Variants in HBS1L observed in about 807,000 individuals in gnomAD.
HBS1L encodes HBS1 like translational GTPase, also known as HBS1-like protein.
A neutral mutation model predicts 88.9 loss-of-function variants in HBS1L; 55 were observed. The ratio of observed to expected loss-of-function variants is 0.62; its 90% confidence interval spans 0.50 to 0.77. The LOEUF (loss-of-function observed/expected upper bound fraction) is 0.77, where lower values mean the gene tolerates loss of function less well. Ranked by LOEUF, HBS1L falls within the 30% of genes least tolerant of loss-of-function variation. The probability of loss-of-function intolerance (pLI) is 0.00; values close to 1 mark genes in which losing one functional copy is unlikely to be tolerated. For synonymous variants in HBS1L, 267 were observed against 288.5 expected, an observed-to-expected ratio of 0.93 and a Z score of 0.76; for missense variants, 741 against 829.3, an observed-to-expected ratio of 0.89 and a Z score of 1.31.
chr6:135,021,449 T>A (rs1776067811), intron 4 of HBS1L, among the ~76,000 whole-genome samples: 1 of 152,126 alleles, frequency 6.6e-6, no homozygotes, highest in African/African-American at 2.4e-5. Flanking sequence ...CACAAAGTCA[T>A]CTGAAATTTA....
chr6:135,000,767 G>C (rs1775430576), intron 5 of HBS1L, among the ~76,000 whole-genome samples: 3 of 151,800 alleles, frequency 2.0e-5, no homozygotes, highest in Non-Finnish European at 4.4e-5. Context: ...GCCTTCCAAT[G>C]TGTTGGTATC....
chr6:135,054,064 T>C (rs1163834692), intron 1 of HBS1L, among the ~76,000 whole-genome samples: 1 of 152,254 alleles, frequency 6.6e-6, no homozygotes, highest in African/African-American at 2.4e-5. Context: ...GACTCATTCT[T>C]TGGGCCTTTT....
intron 7 of HBS1L, 140 bp from the exon 8 acceptor site, chr6:134,994,015 A>G: frequency 2.4e-6 from 1 of 419,570 alleles, no homozygotes; most frequent in Non-Finnish European, 4.2e-6. Context: ...GAATAATTAA[A>G]TTATCAATCG....
intron 5 of HBS1L, 39 bp from the exon 6 acceptor site, chr6:134,997,695 C>T (rs1031475958): frequency 1.9e-6 from 3 of 1,581,776 alleles, no homozygotes; most frequent in Admixed American, 1.7e-5. Context: ...TTGAAACCAA[C>T]TCTATTGATG....
In HBS1L at chr6:134,997,418, G is replaced by A; in HGVS notation, c.778C>T (p.Leu260=). Residue 260 remains leucine (L), a synonymous_variant, in exon 6 of 18, where the codon CTA becomes TTA. Transcript: ENST00000367837. ...TTACCAATGACCACTAAGTTGAGTA[G>A]CTGCTTCCCTCCTTGCCGCTTCTCC... ...ELEKRQGGKQ[L]LNLVVIGHVD... The A allele has an allele frequency of 6.2e-7, 1 of 1,614,030 alleles. No individual in the cohort carries two copies. The highest frequency in any genetic ancestry group is 8.5e-7 in the Non-Finnish European group (1 of 1,179,956).
intron 4 of HBS1L, among the ~76,000 whole-genome samples, chr6:135,020,978 A>G (rs572899988): frequency 1.4e-4 from 21 of 151,916 alleles, no homozygotes; most frequent in Non-Finnish European, 4.4e-5. Flanking sequence ...GGACTAATAT[A>G]CTCTAATATG....
intron 2 of HBS1L, among the ~76,000 whole-genome samples, chr6:135,044,060 T>C (rs1304119293): frequency 1.3e-5 from 2 of 152,214 alleles, no homozygotes; most frequent in Non-Finnish European, 1.5e-5. Flanking sequence ...GTGCCCTGTT[T>C]GGAGAGCCCT....
rs1041938111 is a variant in HBS1L, at chr6:134,963,252, G to A, written c.*2027C>T. 1 of 152,100 alleles carries A rather than the reference G, an allele frequency of 6.6e-6. No individual in the cohort carries two copies. The highest frequency in any genetic ancestry group is 1.5e-5 in the Non-Finnish European group (1 of 68,010). The allele number at this position is 152,100 out of a possible 1,614,324, so 9.4% of individuals were successfully genotyped here. On this transcript the variant is annotated 3_prime_UTR_variant, in exon 18 of 18. Transcript: ENST00000367837. ...TCACACTCAAACACAGGATATCCTA[G>A]GGAAGTATTAATAAATAAAATTCAA... is the stretch of plus-strand genomic sequence containing the variant.
rs561083746 is a variant in HBS1L, at chr6:135,007,649, C to G, written c.431-4807G>C. On this transcript the variant is annotated intron_variant, in intron 4 of 17. Transcript: ENST00000367837. ...CACCATTCTGGAAGGCAGGCAAACTCTACTGACATAAGTCAGAAAGGAACT... is the reference window on the plus strand; with the variant it reads ...CACCATTCTGGAAGGCAGGCAAACTGTACTGACATAAGTCAGAAAGGAACT... 6.6e-5 allele frequency among the ~76,000 whole-genome samples: 10 copies of G among 152,258 alleles called. No homozygotes were observed. The South Asian group carries it at 2.1e-3, about 32-fold the overall frequency.
At chr6:135,020,728 T>G (rs1315542175) in intron 4 of HBS1L, among the ~76,000 whole-genome samples, 3 of 151,968 alleles carry the variant, frequency 2.0e-5, no homozygotes, top group Non-Finnish European at 4.4e-5. Flanking sequence ...TCCCTTTTCA[T>G]CCAGCAATTC....
intron 5 of HBS1L, among the ~76,000 whole-genome samples, chr6:134,999,455 T>TC (rs1775385986): frequency 1.4e-5 from 2 of 147,740 alleles, no homozygotes; most frequent in African/African-American, 5.0e-5. Context: ...TTTCTTTTTT[T>TC]TTTTTTTTTT....
intron 16 of HBS1L, among the ~76,000 whole-genome samples, chr6:134,967,798 G>A (rs1774358919): frequency 1.3e-5 from 2 of 152,288 alleles, no homozygotes; most frequent in South Asian, 4.1e-4. Flanking sequence ...TGTGTCACTT[G>A]CTAGATGCTT....
chr6:135,037,159 C>T lies in HBS1L; in HGVS notation c.430+2414G>A, dbSNP rs561919458. 10 of 1,551,690 alleles carry T rather than the reference C, an allele frequency of 6.4e-6. No individual in the cohort carries two copies. The East Asian group carries it at 2.2e-4, about 34-fold the overall frequency. On this transcript the variant is annotated intron_variant, in intron 4 of 17. Coordinates refer to ENST00000367837, the MANE Select transcript of HBS1L (RefSeq NM_006620.4). ...ATGAAATGCCAATGACGACAGAGAT[C>T]CTGTTAATTCTGATATTCCGGGTGA...
In HBS1L at chr6:134,986,764, C is replaced by T; in HGVS notation, c.1277G>A (p.Gly426Glu). The T allele has an allele frequency of 3.2e-6, 5 of 1,570,028 alleles. No homozygotes were observed. Among genetic ancestry groups the T allele is most frequent in the Non-Finnish European group, 4.3e-6 (5 of 1,157,738 alleles). ...ERFQEITGKL[G>E]HFLKQAGFKE... ...AAAACCTGCTTGCTTAAGAAAGTGC[C>T]CAAGTTTTCCAGTAATCTCTTGAAA... Residue 426 changes from glycine to glutamate, a missense_variant, in exon 10 of 18, where the codon GGG (glycine) becomes GAG (glutamate). This residue lies in a region of HBS1L where 556 missense variants were observed against 598.4 expected (regional missense o/e 0.93). Coordinates refer to ENST00000367837, the MANE Select transcript of HBS1L (RefSeq NM_006620.4).
At chr6:135,021,765 C>T (rs978036) in intron 4 of HBS1L, among the ~76,000 whole-genome samples, 71,920 of 151,930 alleles carry the variant, frequency 0.47, 17,271 homozygotes, top group South Asian at 0.56. Flanking sequence ...CAAATTACAA[C>T]TGGCTTCTTA....
In HBS1L at chr6:135,054,714, A is replaced by G; in HGVS notation, c.-23T>C. Reference sequence around the variant, plus strand: ...CATGACGGCGGAGAGGGCGTTTGCCACAGCCCCTTAACTCCTTCCAAAACA... The same window carrying G: ...CATGACGGCGGAGAGGGCGTTTGCCGCAGCCCCTTAACTCCTTCCAAAACA... On this transcript the variant is annotated 5_prime_UTR_variant, in exon 1 of 18. Coordinates refer to ENST00000367837, the MANE Select transcript of HBS1L (RefSeq NM_006620.4). 6.2e-7 allele frequency: 1 copy of G among 1,614,120 alleles called. No individual in the cohort carries two copies. Among genetic ancestry groups the G allele is most frequent in the Non-Finnish European group, 8.5e-7 (1 of 1,180,006 alleles).
chr6:135,028,175 A>T (rs1387772234), intron 4 of HBS1L, among the ~76,000 whole-genome samples: 1 of 152,158 alleles, frequency 6.6e-6, no homozygotes, highest in African/African-American at 2.4e-5. Context: ...GTCATACCCA[A>T]ACTTACAAAG....
intron 5 of HBS1L, among the ~76,000 whole-genome samples, chr6:134,998,596 T>C (rs141776602): frequency 8.2e-4 from 125 of 152,316 alleles, no homozygotes; most frequent in Middle Eastern, 3.4e-3. Context: ...AAACTACATA[T>C]AGAAAGCAAT....
chr6:134,983,330 G>A (rs1774886850), intron 12 of HBS1L: 1 of 152,152 alleles, frequency 6.6e-6, no homozygotes, highest in Admixed American at 6.6e-5. Flanking sequence ...GAGAAGTAAG[G>A]TGATGGTATT....
Sources: gnomAD v4.1 joint callset for allele counts (sites outside exome capture counted in the v4.1 genomes callset) on GRCh38, gnomAD v4.1.1 for gene constraint, gnomAD v4.1.1 regional missense constraint, MANE v1.5 for transcripts, NCBI Gene and HGNC (gene_info 2026-07-23, HGNC 2026-07-21) for gene names.